The following MCU variants were observed in gnomAD, a reference collection of about 807,000 sequenced individuals.
The protein encoded by MCU is calcium uniporter protein, mitochondrial.
Under a neutral mutation model 45.2 loss-of-function variants are expected in MCU, and 12 were observed. The ratio of observed to expected loss-of-function variants is 0.27; its 90% CI spans 0.17 to 0.43. The LOEUF (loss-of-function observed/expected upper bound fraction) is 0.43. MCU is among the 20% of genes least tolerant of loss of function. The probability of loss-of-function intolerance (pLI) is 1.00; values close to 1 mark genes in which losing one functional copy is unlikely to be tolerated. For missense variants in MCU, 324 were observed against 436.7 expected (o/e 0.74, Z 2.30); for synonymous variants, 160 against 165.1 (o/e 0.97, Z 0.24).
At chr10:72,809,549 A>C (rs1844506482) in intron 1 of MCU, among the ~76,000 whole-genome samples, 1 of 152,156 alleles carries the variant, frequency 6.6e-6, no homozygotes, top group Non-Finnish European at 1.5e-5. Context: ...GAAACATTGG[A>C]GTGGAGCAGG....
chr10:72,823,826 G>A (rs1206633429), intron 1 of MCU, among the ~76,000 whole-genome samples: 5 of 152,106 alleles, frequency 3.3e-5, no homozygotes, highest in East Asian at 1.9e-4. Flanking sequence ...TTGGGAGGCC[G>A]AGTTGGGAGG....
chr10:72,869,210 G>A (rs1420268099), intron 5 of MCU, among the ~76,000 whole-genome samples: 2 of 152,210 alleles, frequency 1.3e-5, no homozygotes, highest in East Asian at 3.8e-4. Context: ...TATTACAGTT[G>A]GCCCTCTGTT....
chr10:72,736,770 G>T (rs945120957), intron 1 of MCU, among the ~76,000 whole-genome samples: 3 of 152,116 alleles, frequency 2.0e-5, no homozygotes, highest in Non-Finnish European at 4.4e-5. Context: ...TGCTTCCTTT[G>T]CCTTAGCTCA....
At chr10:72,756,077 C>T (rs1287402229) in intron 1 of MCU, among the ~76,000 whole-genome samples, 1 of 152,140 alleles carries the variant, frequency 6.6e-6, no homozygotes, top group African/African-American at 2.4e-5. Flanking sequence ...TCTCGAACTC[C>T]TGGTCTCAAG....
At chr10:72,695,376 C>T (rs1842673099) in intron 1 of MCU, among the ~76,000 whole-genome samples, 1 of 152,194 alleles carries the variant, frequency 6.6e-6, no homozygotes, top group Admixed American at 6.5e-5. Context: ...GAGGCAGGTC[C>T]TAACTCTTTA....
At position 72,748,613 on chromosome 10, in the gene MCU, T is replaced by C. The variant is rs546517219; in HGVS notation, c.150+56312T>C. Among the ~76,000 whole-genome samples the C allele has an allele frequency of 3.9e-5, 6 of 152,260 alleles. No individual in the cohort carries two copies. In the East Asian group the frequency reaches 1.2e-3, roughly 29 times the overall value. On this transcript the variant is annotated intron_variant, in intron 1 of 7. Transcript: ENST00000373053. ...GGGAGAATCATTTGAACCCAGGAGT[T>C]TGAGACCAGCCTAGGCAACATAGCA... is the stretch of plus-strand genomic sequence containing the variant.
At chr10:72,828,394 G>A (rs998413237) in intron 1 of MCU, among the ~76,000 whole-genome samples, 1 of 152,144 alleles carries the variant, frequency 6.6e-6, no homozygotes, top group Non-Finnish European at 1.5e-5. Context: ...GTTTCTTAAT[G>A]AAATTAGATC....
intron 2 of MCU, among the ~76,000 whole-genome samples, chr10:72,851,474 A>G (rs575134350): frequency 1.3e-5 from 2 of 152,276 alleles, no homozygotes; most frequent in East Asian, 1.9e-4. Context: ...AGTCTCCCCA[A>G]ATTGGAGACC....
intron 5 of MCU, 135 bp downstream of exon 5, chr10:72,868,998 C>T: frequency 1.1e-6 from 1 of 920,136 alleles, no homozygotes; most frequent in South Asian, 2.0e-5. Context: ...TGGGACTGAA[C>T]CATAAAAAAG....
intron 1 of MCU, chr10:72,692,667 G>A: frequency 1.7e-6 from 2 of 1,197,886 alleles, no homozygotes; most frequent in Non-Finnish European, 2.1e-6. Flanking sequence ...GGAGCCAGAT[G>A]GAAGTTGTCC....
At chr10:72,692,469 C>A in intron 1 of MCU, 168 bp downstream of exon 1, 1 of 760,770 alleles carries the variant, frequency 1.3e-6, no homozygotes, top group Non-Finnish European at 1.6e-6. Flanking sequence ...CCTGCGGCGG[C>A]GACCAGGAAG....
chr10:72,767,753 G>C (rs889385365), intron 1 of MCU, among the ~76,000 whole-genome samples: 38 of 152,076 alleles, frequency 2.5e-4, no homozygotes, highest in African/African-American at 8.7e-4. Flanking sequence ...TCCCTTTTTG[G>C]GGGGATGACT....
intron 1 of MCU, among the ~76,000 whole-genome samples, chr10:72,818,372 G>A (rs867694849): frequency 2.6e-5 from 4 of 152,150 alleles, no homozygotes; most frequent in Admixed American, 6.5e-5. Context: ...AGCCACCGAC[G>A]TTCTTTGACC....
intron 1 of MCU, among the ~76,000 whole-genome samples, chr10:72,770,470 T>A (rs2132735558): frequency 6.6e-6 from 1 of 152,262 alleles, no homozygotes; most frequent in Non-Finnish European, 1.5e-5. Flanking sequence ...CTCTTTCTTT[T>A]TTGTGCTATT....
chr10:72,858,537 G>T (rs1163600580), intron 2 of MCU, among the ~76,000 whole-genome samples: 1 of 152,158 alleles, frequency 6.6e-6, no homozygotes, highest in East Asian at 1.9e-4. Flanking sequence ...CCTAATGGTG[G>T]CTAGCAAGGA....
rs558855028 is a variant in MCU at position 72,767,365 on chromosome 10, T to G, written c.151-66994T>G. 2.0e-5 allele frequency among the ~76,000 whole-genome samples: 3 copies of G among 152,324 alleles called. No homozygotes were observed. The South Asian group carries it at 6.2e-4, about 32-fold the overall frequency. On this transcript the variant is annotated intron_variant, in intron 1 of 7. Coordinates refer to ENST00000373053, the MANE Select transcript of MCU (RefSeq NM_138357.3). ...TAGAGGCTCAGAGATTACATAGGAC[T>G]ATGTGAGTTCTTGCTTGTTGAAAAA...
intron 2 of MCU, among the ~76,000 whole-genome samples, chr10:72,857,721 A>T (rs962327768): frequency 2.6e-5 from 4 of 152,140 alleles, no homozygotes; most frequent in Admixed American, 6.6e-5. Context: ...ATGCATTTTT[A>T]AAAAAATGTA....
At chr10:72,820,673 G>A (rs574350072) in intron 1 of MCU, among the ~76,000 whole-genome samples, 94 of 152,210 alleles carry the variant, frequency 6.2e-4, no homozygotes, top group African/African-American at 2.2e-3. Context: ...ACAATGCCCA[G>A]CTAATTTTTT....
intron 1 of MCU, among the ~76,000 whole-genome samples, chr10:72,779,648 G>A (rs559940800): frequency 1.3e-5 from 2 of 152,254 alleles, no homozygotes; most frequent in Admixed American, 1.3e-4. Context: ...TCTATAAGGA[G>A]ATGTATAAAT....
Sources: gnomAD v4.1 joint callset for allele counts (sites outside exome capture counted in the v4.1 genomes callset) on GRCh38, gnomAD v4.1.1 for gene constraint, MANE v1.5 for transcripts, NCBI Gene and HGNC (gene_info 2026-07-23, HGNC 2026-07-21) for gene names.